The following SLC6A6 variants were observed in gnomAD, a reference collection of about 807,000 sequenced individuals.
SLC6A6 encodes sodium- and chloride-dependent taurine transporter.
Under a neutral mutation model 68.8 loss-of-function variants are expected in SLC6A6, and 16 were observed. The observed-to-expected ratio is 0.23, with a 90% CI of 0.16 to 0.35. SLC6A6 has a LOEUF of 0.35. Among genes scored for constraint, SLC6A6 ranks in the 10% least tolerant of loss-of-function variants. SLC6A6 has a pLI of 1.00. For synonymous variants in SLC6A6, 312 were observed against 315.4 expected, an observed-to-expected ratio of 0.99 and a Z score of 0.12; for missense variants, 474 against 802.8, an observed-to-expected ratio of 0.59 and a Z score of 4.95.
chr3:14,460,059 T>G (rs1412506100), intron 6 of SLC6A6, among the ~76,000 whole-genome samples: 2 of 152,024 alleles, frequency 1.3e-5, no homozygotes, highest in African/African-American at 2.4e-5. Flanking sequence ...ACCATGCCCT[T>G]CTTCACTCTG....
intron 2 of SLC6A6, among the ~76,000 whole-genome samples, chr3:14,419,960 C>G (rs963057984): frequency 2.6e-5 from 4 of 152,146 alleles, no homozygotes; most frequent in Admixed American, 6.5e-5. Context: ...CCCCATGCCC[C>G]GCACCCATTG....
intron 6 of SLC6A6, among the ~76,000 whole-genome samples, chr3:14,461,328 C>T (rs1259667659): frequency 6.6e-6 from 1 of 152,216 alleles, no homozygotes; most frequent in Non-Finnish European, 1.5e-5. Context: ...CCCAGCATCC[C>T]ACAGCTTGTC....
At chr3:14,433,893 A>T (rs1431082211) in intron 2 of SLC6A6, among the ~76,000 whole-genome samples, 3 of 151,608 alleles carry the variant, frequency 2.0e-5, no homozygotes, top group African/African-American at 7.3e-5. Flanking sequence ...AGTAGAAGGG[A>T]AGGGTTGGTG....
Position 14,468,245 on chromosome 3 carries a change from A to G in SLC6A6, c.1096+33A>G. The G allele has an allele frequency of 1.9e-6, 3 of 1,599,438 alleles. No individual in the cohort carries two copies. Among genetic ancestry groups the G allele is most frequent in the Middle Eastern group, 1.9e-4 (1 of 5,388 alleles). ...GGTATCGGTGGCAGTGGTGGTGGGCACTGCCACCTAGTGTGTAAGCCAAGT... is the reference window on the plus strand; with the variant it reads ...GGTATCGGTGGCAGTGGTGGTGGGCGCTGCCACCTAGTGTGTAAGCCAAGT... On this transcript the variant is annotated intron_variant, in intron 9 of 14. Transcript: ENST00000622186. This position sits in a 1 kb window ranked among gnomAD's most constrained non-coding sequence, Gnocchi z 4.5.
At chr3:14,419,060 C>T (rs1386175015) in intron 2 of SLC6A6, among the ~76,000 whole-genome samples, 1 of 152,224 alleles carries the variant, frequency 6.6e-6, no homozygotes, top group Non-Finnish European at 1.5e-5. Context: ...GTGCAAGGGG[C>T]CCTGCCTGGG....
chr3:14,456,962 C>A (rs935226770), intron 5 of SLC6A6, among the ~76,000 whole-genome samples: 1 of 152,214 alleles, frequency 6.6e-6, no homozygotes, highest in Admixed American at 6.5e-5. Context: ...TGGCTGTCCT[C>A]GATCACTGTT....
intron 2 of SLC6A6, among the ~76,000 whole-genome samples, chr3:14,427,111 C>T (rs754273858): frequency 3.3e-5 from 5 of 152,152 alleles, no homozygotes; most frequent in Admixed American, 6.5e-5. Context: ...GTGTCTTCCG[C>T]ACTCTCTGGC....
intron 10 of SLC6A6, among the ~76,000 whole-genome samples, chr3:14,473,958 G>A (rs1017838896): frequency 5.3e-5 from 8 of 152,228 alleles, no homozygotes; most frequent in Admixed American, 5.2e-4. Context: ...TTCTCCCCAG[G>A]AAGTGGGGCC....
Position 14,485,254 on chromosome 3 carries a change from G to A in SLC6A6, c.*247G>A. 2.8e-6 allele frequency: 1 copy of A among 357,276 alleles called. No individual in the cohort carries two copies. Among genetic ancestry groups the A allele is most frequent in the African/African-American group, 2.1e-5 (1 of 48,150 alleles). The allele number at this position is 357,276 out of a possible 1,614,324, so 22.1% of individuals were successfully genotyped here. The stretch of plus-strand genomic sequence containing the variant: ...AAACCCACGGGAAGATGTCCGTGGA[G>A]AGGCAGAGCTTTCATACTGAATTAG... On this transcript the variant is annotated 3_prime_UTR_variant, in exon 15 of 15. Coordinates refer to ENST00000622186, the MANE Select transcript of SLC6A6 (RefSeq NM_003043.6).
chr3:14,483,557 G>C (rs929997572), intron 14 of SLC6A6, among the ~76,000 whole-genome samples: 1 of 152,238 alleles, frequency 6.6e-6, no homozygotes, highest in Non-Finnish European at 1.5e-5. Context: ...TGGAGGGAGA[G>C]CTGGCAGGTG....
chr3:14,463,480 G>T (rs1240043190), intron 6 of SLC6A6, among the ~76,000 whole-genome samples: 1 of 152,216 alleles, frequency 6.6e-6, no homozygotes, highest in Non-Finnish European at 1.5e-5. Flanking sequence ...GGGTTGCTTG[G>T]CCCAGTGGAG....
intron 6 of SLC6A6, among the ~76,000 whole-genome samples, chr3:14,458,583 G>A (rs1022058106): frequency 6.6e-6 from 1 of 152,226 alleles, no homozygotes; most frequent in African/African-American, 2.4e-5. Context: ...GGAGCTTCGT[G>A]GGCCTGCCCC....
intron 1 of SLC6A6, among the ~76,000 whole-genome samples, chr3:14,411,651 T>C: frequency 6.6e-6 from 1 of 152,212 alleles, no homozygotes; most frequent in East Asian, 1.9e-4. Flanking sequence ...GGCACACAGT[T>C]GTTGCTCAAC....
intron 2 of SLC6A6, among the ~76,000 whole-genome samples, chr3:14,433,169 G>C (rs1699768343): frequency 6.6e-6 from 1 of 152,188 alleles, no homozygotes; most frequent in Non-Finnish European, 1.5e-5. Flanking sequence ...GTGTGTAGCA[G>C]GTGCTCAGTC....
At chr3:14,445,946 C>A in intron 4 of SLC6A6, 95 bp downstream of exon 4, 1 of 1,246,282 alleles carries the variant, frequency 8.0e-7, no homozygotes, top group Non-Finnish European at 1.2e-6. Context: ...ATTGGAGCCT[C>A]ATGCACATCA....
At chr3:14,417,904 C>T (rs1402501392) in intron 2 of SLC6A6, among the ~76,000 whole-genome samples, 7 of 151,766 alleles carry the variant, frequency 4.6e-5, no homozygotes, top group Non-Finnish European at 7.4e-5. Context: ...AGTTCAGGAT[C>T]GTCATTATGT....
At chr3:14,445,587 A>G in intron 3 of SLC6A6, 130 bp from the exon 4 acceptor site, 1 of 1,036,504 alleles carries the variant, frequency 9.6e-7, no homozygotes. Flanking sequence ...ACCAGGTCCA[A>G]GAGTTTGGCC....
chr3:14,410,818 A>G (rs1329489427), intron 1 of SLC6A6, among the ~76,000 whole-genome samples: 2 of 152,240 alleles, frequency 1.3e-5, no homozygotes, highest in Non-Finnish European at 2.9e-5. Flanking sequence ...CCTTAACCCA[A>G]GGCTGCCAGT....
intron 2 of SLC6A6, among the ~76,000 whole-genome samples, chr3:14,424,317 T>G (rs1378186678): frequency 1.3e-5 from 2 of 149,494 alleles, no homozygotes; most frequent in African/African-American, 2.5e-5. Flanking sequence ...CTGTCAGGGA[T>G]GGGGAGGGCC....
Sources: gnomAD v4.1 joint callset for allele counts (sites outside exome capture counted in the v4.1 genomes callset) on GRCh38, gnomAD v4.1.1 for gene constraint, Gnocchi (gnomAD v3.1) non-coding constraint, MANE v1.5 for transcripts, NCBI Gene and HGNC (gene_info 2026-07-23, HGNC 2026-07-21) for gene names.